SYCP2: variants seen among roughly 807,000 people sequenced by gnomAD.
SYCP2 encodes the protein synaptonemal complex protein 2, also known as synaptonemal complex lateral element protein.
SYCP2 carries 55 observed loss-of-function variants against 211.3 expected under a neutral mutation model. That is an observed-to-expected ratio of 0.26 (90% CI 0.21 to 0.33). The LOEUF (loss-of-function observed/expected upper bound fraction) is 0.33. Ranked by LOEUF, SYCP2 falls within the 10% of genes least tolerant of loss-of-function variation. The probability of loss-of-function intolerance (pLI) is 1.00; values close to 1 mark genes in which losing one functional copy is unlikely to be tolerated. For synonymous variants in SYCP2, 570 were observed against 555.2 expected, an observed-to-expected ratio of 1.03 and a Z score of -0.37; for missense variants, 1,731 against 1,752.0, an observed-to-expected ratio of 0.99 and a Z score of 0.21.
intron 35 of SYCP2, among the ~76,000 whole-genome samples, chr20:59,872,059 G>A (rs2059462314): frequency 6.6e-6 from 1 of 151,884 alleles, no homozygotes; most frequent in South Asian, 2.1e-4. Context: ...GGAGGTGAAG[G>A]AGGCTAGGTA....
At chr20:59,869,171 T>C (rs901472890) in intron 36 of SYCP2, among the ~76,000 whole-genome samples, 2 of 151,712 alleles carry the variant, frequency 1.3e-5, no homozygotes, top group African/African-American at 4.8e-5. Context: ...TTTTCATTTC[T>C]TTATTAGGAT....
In SYCP2 at chr20:59,872,672, T is replaced by C. The variant is rs190885550; in HGVS notation, c.3555+1184A>G. Among the ~76,000 whole-genome samples, 371 of 152,070 alleles carry C rather than the reference T, an allele frequency of 2.4e-3. 2 individuals are homozygous for C. The highest frequency in any genetic ancestry group is 8.4e-3 in the African/African-American group (349 of 41,520). On this transcript the variant is annotated intron_variant, in intron 35 of 44. Transcript: ENST00000357552. ...CGTATTCCCTGAGAATAAGGGGTGA[T>C]TACTGTACAGAGTACAGGTAAGAGT...
At chr20:59,907,933 CAA>C (rs2060242304) in intron 14 of SYCP2, among the ~76,000 whole-genome samples, 1 of 152,092 alleles carries the variant, frequency 6.6e-6, no homozygotes, top group South Asian at 2.1e-4. Flanking sequence ...ACTGAATTCA[CAA>C]AGTTATAGTA....
intron 10 of SYCP2, among the ~76,000 whole-genome samples, chr20:59,914,817 C>T (rs1030439363): frequency 6.6e-6 from 1 of 151,884 alleles, no homozygotes; most frequent in Non-Finnish European, 1.5e-5. Context: ...TTCAGGTCTA[C>T]TGAAAAATTA....
chr20:59,879,862 T>TATACACACAC (rs1469618397), intron 31 of SYCP2, among the ~76,000 whole-genome samples: 5 of 116,076 alleles, frequency 4.3e-5, no homozygotes, highest in African/African-American at 1.7e-4. Flanking sequence ...TATATATATA[T>TATACACACAC]ACACACACAC....
At chr20:59,887,806 GA>G (rs142599826) in intron 24 of SYCP2, among the ~76,000 whole-genome samples, 3,129 of 142,368 alleles carry the variant, frequency 0.022, 39 homozygotes, top group Middle Eastern at 0.045. Context: ...AGAAGAAAGA[GA>G]AAAAAAAAAC....
chr20:59,879,705 A>G (rs940714548), intron 31 of SYCP2, among the ~76,000 whole-genome samples: 3 of 150,680 alleles, frequency 2.0e-5, no homozygotes, highest in Non-Finnish European at 4.4e-5. Context: ...ACCCAAAAAA[A>G]AAAATCTGGA....
chr20:59,918,219 G>T (rs2060478591), intron 7 of SYCP2, among the ~76,000 whole-genome samples: 1 of 152,160 alleles, frequency 6.6e-6, no homozygotes, highest in Admixed American at 6.5e-5. Flanking sequence ...AGCACTGGCT[G>T]CAGAGTTGAC....
At chr20:59,875,681 ATATCT>A (rs2145637574) in intron 33 of SYCP2, among the ~76,000 whole-genome samples, 1 of 152,292 alleles carries the variant, frequency 6.6e-6, no homozygotes, top group Non-Finnish European at 1.5e-5. Context: ...ACTATAATAA[ATATCT>A]TAAGAGATAC....
At chr20:59,890,667 T>C (rs1187722503) in intron 24 of SYCP2, among the ~76,000 whole-genome samples, 3 of 151,884 alleles carry the variant, frequency 2.0e-5, no homozygotes, top group Non-Finnish European at 4.4e-5. Flanking sequence ...AGTGACTCTA[T>C]GAAGGACTGA....
chr20:59,894,909 C>A (rs904668922), intron 20 of SYCP2, among the ~76,000 whole-genome samples: 9 of 152,046 alleles, frequency 5.9e-5, no homozygotes, highest in African/African-American at 1.9e-4. Context: ...TCTTTATTGA[C>A]CTTTCAAAAG....
chr20:59,887,042 T>G (rs538034728), intron 24 of SYCP2, among the ~76,000 whole-genome samples: 2 of 152,296 alleles, frequency 1.3e-5, no homozygotes, highest in South Asian at 2.1e-4. Flanking sequence ...AGGGTACATG[T>G]GTACAACATG....
At chr20:59,867,036 G>C (rs867456452) in intron 39 of SYCP2, among the ~76,000 whole-genome samples, 2 of 70,330 alleles carry the variant, frequency 2.8e-5, no homozygotes, top group Admixed American at 1.9e-4. Context: ...AAAAAAAAAA[G>C]AAACAGAAAA....
At chr20:59,910,383 T>C (rs527646688) in intron 14 of SYCP2, among the ~76,000 whole-genome samples, 1 of 132,648 alleles carries the variant, frequency 7.5e-6, no homozygotes, top group African/African-American at 3.0e-5. Flanking sequence ...TATTTTTTTT[T>C]TTTTTTTTTT....
At chr20:59,925,433 CATT>C (rs983816892) in intron 2 of SYCP2, among the ~76,000 whole-genome samples, 74 of 152,178 alleles carry the variant, frequency 4.9e-4, no homozygotes, top group African/African-American at 1.7e-3. Context: ...TGGAAAACAT[CATT>C]GAGAGAACAA....
intron 31 of SYCP2, among the ~76,000 whole-genome samples, chr20:59,879,856 TATATATACACAC>T (rs2059639678): frequency 8.7e-6 from 1 of 114,508 alleles, no homozygotes; most frequent in Non-Finnish European, 1.8e-5. Context: ...TATATATATA[TATATATACACAC>T]ACACACACAC....
intron 24 of SYCP2, among the ~76,000 whole-genome samples, chr20:59,887,844 G>A (rs2059825442): frequency 6.6e-6 from 1 of 151,594 alleles, no homozygotes; most frequent in African/African-American, 2.4e-5. Flanking sequence ...AATGAAAGAA[G>A]GGCCATCACT....
At chr20:59,864,496 AAAC>A in intron 44 of SYCP2, 108 bp from the exon 45 acceptor site, 1 of 718,928 alleles carries the variant, frequency 1.4e-6, no homozygotes, top group Non-Finnish European at 2.3e-6. Flanking sequence ...ATTCATTTTA[AAAC>A]AACTTCTTTC....
intron 2 of SYCP2, among the ~76,000 whole-genome samples, chr20:59,924,164 A>G (rs1008112997): frequency 2.0e-5 from 3 of 151,970 alleles, no homozygotes; most frequent in African/African-American, 7.2e-5. Context: ...GTTAAAATTA[A>G]GAAAATCTGT....
Sources: gnomAD v4.1 joint callset for allele counts (sites outside exome capture counted in the v4.1 genomes callset) on GRCh38, gnomAD v4.1.1 for gene constraint, MANE v1.5 for transcripts, NCBI Gene and HGNC (gene_info 2026-07-23, HGNC 2026-07-21) for gene names.